Variants in DCAF8L2 observed in about 807,000 individuals in gnomAD.
The protein encoded by DCAF8L2 is DDB1- and CUL4-associated factor 8-like protein 2.
For missense variants in DCAF8L2, 430 were observed against 490.7 expected (o/e 0.88, Z 1.17); for synonymous variants, 200 against 190.9 (o/e 1.05, Z -0.39).
At chrX:27,473,423 C>CT in the DCAF8L2 span, among the ~76,000 whole-genome samples, 23 of 104,951 alleles carry the variant, frequency 2.2e-4, no homozygotes, top group East Asian at 9.0e-4. Context: ...CAGTGAGATT[C>CT]TTTTTTTTTT....
chrX:27,519,588 T>A, the DCAF8L2 span: 1 of 667,191 alleles, frequency 1.5e-6, no homozygotes, highest in South Asian at 2.2e-5. Flanking sequence ...CAGTCATTCC[T>A]CCGACAGAAA....
At chrX:27,680,010 G>T (rs1930269431) in intron 3 of DCAF8L2, among the ~76,000 whole-genome samples, 1 of 111,571 alleles carries the variant, frequency 9.0e-6, no homozygotes. Flanking sequence ...CCTTTATTTT[G>T]TATCAGATCA....
intron 3 of DCAF8L2, among the ~76,000 whole-genome samples, chrX:27,707,920 GC>G (rs1931394905): frequency 9.0e-6 from 1 of 111,409 alleles, no homozygotes; most frequent in Non-Finnish European, 1.9e-5. Context: ...TATTAGAGGT[GC>G]TTTTCTTTCC....
chrX:27,730,018 C>T (rs889689532), intron 4 of DCAF8L2, among the ~76,000 whole-genome samples: 5 of 111,762 alleles, frequency 4.5e-5, no homozygotes, highest in Non-Finnish European at 9.4e-5. Flanking sequence ...TGTTATAGGA[C>T]TGGTTGTCAA....
chrX:27,594,945 G>A (rs1926284222), intron 1 of DCAF8L2, among the ~76,000 whole-genome samples: 1 of 111,875 alleles, frequency 8.9e-6, no homozygotes, highest in Non-Finnish European at 1.9e-5. Context: ...TTATTTGACA[G>A]TTAACAGCAT....
chrX:27,491,600 G>C, the DCAF8L2 span, among the ~76,000 whole-genome samples: 1 of 112,182 alleles, frequency 8.9e-6, no homozygotes, highest in East Asian at 2.8e-4. Context: ...GTCCGTTTCT[G>C]TAAAACACTG....
rs1336165326 is a variant in DCAF8L2, at chrX:27,675,670, C to T, written c.-219-2166C>T. On this transcript the variant is annotated intron_variant, in intron 2 of 4. Transcript: ENST00000451261. ...TTAAGAATAAGAATGCTGTGTGACT[C>T]ACATAGCCACTCTCACACCCAAAGA... Among the ~76,000 whole-genome samples, 7 of 112,041 alleles carry T rather than the reference C, an allele frequency of 6.2e-5. No individual in the cohort carries two copies. In the East Asian group the frequency reaches 2.0e-3, roughly 32 times the overall value.
At chrX:27,637,562 G>A (rs1014065564) in intron 2 of DCAF8L2, among the ~76,000 whole-genome samples, 2 of 112,179 alleles carry the variant, frequency 1.8e-5, no homozygotes, top group African/African-American at 6.5e-5. Context: ...AAGCCATGGA[G>A]TACATAGCCC....
the DCAF8L2 span, among the ~76,000 whole-genome samples, chrX:27,568,800 T>A: frequency 9.2e-6 from 1 of 108,562 alleles, no homozygotes; most frequent in South Asian, 4.1e-4. Context: ...TAGGTATATC[T>A]CCTAATGCTA....
At chrX:27,478,013 C>T in the DCAF8L2 span, among the ~76,000 whole-genome samples, 1 of 111,306 alleles carries the variant, frequency 9.0e-6, no homozygotes, top group African/African-American at 3.3e-5. Flanking sequence ...CTAAGATTCT[C>T]AATGAATCGT....
At chrX:27,556,647 C>T in the DCAF8L2 span, among the ~76,000 whole-genome samples, 1 of 111,724 alleles carries the variant, frequency 9.0e-6, no homozygotes. Flanking sequence ...AACTGAAGTG[C>T]CATAAGAACA....
At chrX:27,639,573 C>A (rs1359909897) in intron 2 of DCAF8L2, among the ~76,000 whole-genome samples, 3 of 111,765 alleles carry the variant, frequency 2.7e-5, no homozygotes, top group African/African-American at 6.5e-5. Flanking sequence ...TATACACCTA[C>A]TAAGTATCTA....
In DCAF8L2 at chrX:27,746,842, T is replaced by C. The variant is rs1244568491; in HGVS notation, c.-54T>C. On this transcript the variant is annotated 5_prime_UTR_variant, in exon 5 of 5. Transcript: ENST00000451261. ...GCAGGCCAACTTTCTTCCCAGAGCT[T>C]TTAGGGGCCTGGCCTTTGCAGTTCC... 1 of 1,112,663 alleles carries C rather than the reference T, an allele frequency of 9.0e-7. No individual in the cohort carries two copies. The highest frequency in any genetic ancestry group is 1.2e-6 in the Non-Finnish European group (1 of 840,163). 91.7% of individuals were successfully genotyped at this position (1,112,663 alleles called of 1,213,427 possible).
chrX:27,674,506 A>G (rs1388821226), intron 2 of DCAF8L2, among the ~76,000 whole-genome samples: 1 of 111,437 alleles, frequency 9.0e-6, no homozygotes, highest in Non-Finnish European at 1.9e-5. Flanking sequence ...AGAGCCCAGC[A>G]GTAGTTAGTA....
At chrX:27,635,466 C>T (rs1352443584) in intron 2 of DCAF8L2, among the ~76,000 whole-genome samples, 1 of 111,415 alleles carries the variant, frequency 9.0e-6, no homozygotes, top group East Asian at 2.8e-4. Flanking sequence ...ATTCACTGTA[C>T]TCAATTTAAT....
Position 27,643,052 on chromosome X carries a change from A to T in DCAF8L2, c.-220+11052A>T, listed in dbSNP as rs188709421. On this transcript the variant is annotated intron_variant, in intron 2 of 4. Coordinates refer to ENST00000451261, the MANE Select transcript of DCAF8L2 (RefSeq NM_001353450.2). ...TACATTTTAACAGAATGGTGTCGAT[A>T]TCTCTTCAAGATAATCATTTTATTC... 8.7e-4 allele frequency among the ~76,000 whole-genome samples: 98 copies of T among 112,180 alleles called. 1 individual carries two copies. The highest frequency in any genetic ancestry group is 3.0e-3 in the African/African-American group (93 of 30,939).
upstream of DCAF8L2, among the ~76,000 whole-genome samples, chrX:27,588,654 T>C (rs757477610): frequency 3.6e-5 from 4 of 111,250 alleles, no homozygotes; most frequent in South Asian, 1.5e-3. Context: ...GTTGTTTTTT[T>C]ACTTTTTAAC....
chrX:27,696,899 A>AT (rs756995155), intron 3 of DCAF8L2, among the ~76,000 whole-genome samples: 34 of 111,183 alleles, frequency 3.1e-4, no homozygotes, highest in Admixed American at 8.6e-4. Context: ...AAAGCAGCAG[A>AT]TTTTTTTTAT....
At chrX:27,545,202 C>G in the DCAF8L2 span, among the ~76,000 whole-genome samples, 1 of 111,126 alleles carries the variant, frequency 9.0e-6, no homozygotes, top group Non-Finnish European at 1.9e-5. Flanking sequence ...GAGGATGGTT[C>G]TAGTCATCAT....
Sources: gnomAD v4.1 joint callset for allele counts (sites outside exome capture counted in the v4.1 genomes callset) on GRCh38, gnomAD v4.1.1 for gene constraint, MANE v1.5 for transcripts, NCBI Gene and HGNC (gene_info 2026-07-23, HGNC 2026-07-21) for gene names.